The following SGSM1 variants were observed in gnomAD, a reference collection of about 807,000 sequenced individuals.
SGSM1 encodes RUN and TBC1 domain containing 2.
Under a neutral mutation model 133.8 loss-of-function variants are expected in SGSM1, and 73 were observed. The ratio of observed to expected loss-of-function variants is 0.55; its 90% confidence interval spans 0.45 to 0.66. SGSM1 has a LOEUF of 0.66. Among genes scored for constraint, SGSM1 ranks in the 30% least tolerant of loss-of-function variants. SGSM1 has a pLI of 0.00. For missense variants in SGSM1, 1,213 were observed against 1,448.1 expected (o/e 0.84, Z 2.64); for synonymous variants, 563 against 573.0 (o/e 0.98, Z 0.25).
Position 24,868,844 on chromosome 22 carries a change from A to G in SGSM1, c.1280A>G (p.Gln427Arg), listed in dbSNP as rs557828857. The change falls in exon 12 of 25, where the codon CAG becomes CGG. Residue 427 changes from glutamine (Q) to arginine (R), a missense_variant. Gln to Arg is a conservative substitution (Grantham distance 43). Transcript: ENST00000400358. Reference protein sequence around the residue: ...YVFRIIYPGMQSEFVPQDLMD... With the variant: ...YVFRIIYPGMRSEFVPQDLMD... Reference sequence around the variant, plus strand: ...TTCAGGATCATCTACCCTGGCATGCAGTCGGAATTCGGTGAGCTGCCCTGT... The same window carrying G: ...TTCAGGATCATCTACCCTGGCATGCGGTCGGAATTCGGTGAGCTGCCCTGT... 28 of 1,613,818 alleles carry G rather than the reference A, an allele frequency of 1.7e-5. No individual in the cohort carries two copies. In the East Asian group the frequency reaches 5.6e-4, roughly 32 times the overall value.
At chr22:24,901,766 T>A in intron 19 of SGSM1, 67 bp from the exon 20 acceptor site, 1 of 1,561,086 alleles carries the variant, frequency 6.4e-7, no homozygotes, top group Non-Finnish European at 8.7e-7. Context: ...GGATTGCTGC[T>A]TTCCAGTGGG....
At chr22:24,860,044 A>G (rs41516144) in intron 9 of SGSM1, among the ~76,000 whole-genome samples, 5,381 of 152,218 alleles carry the variant, frequency 0.035, 151 homozygotes, top group East Asian at 0.093. Flanking sequence ...CTGGAAACCA[A>G]CTGGAAGAGT....
Position 24,874,474 on chromosome 22 carries a change from G to C in SGSM1, c.1292-2103G>C, listed in dbSNP as rs116017106. On this transcript the variant is annotated intron_variant, in intron 12 of 24. Transcript: ENST00000400358. ...CTCTGTGGGCCCTGCCTGGATGATG[G>C]TTCCTGCAGGCCGGTCCATGCTGGT... The C allele has an allele frequency of 1.7e-3, 2,735 of 1,613,778 alleles. 49 individuals carry two copies. The African/African-American group carries it at 0.031, about 18-fold the overall frequency.
At position 24,893,532 on chromosome 22, in the gene SGSM1, C is replaced by T; in HGVS notation, c.1872C>T (p.Ala624=). The change falls in exon 17 of 25, where the codon GCC becomes GCT. Residue 624 remains alanine (A), a synonymous_variant. Transcript: ENST00000400358. ...RQRERESHAA[A]LAKCSSGASL... Reference sequence around the variant, plus strand: ...GGGAGCGGGAGTCCCATGCGGCCGCCCTGGCCAAATGCTCATCCGGGGCCA... The same window carrying T: ...GGGAGCGGGAGTCCCATGCGGCCGCTCTGGCCAAATGCTCATCCGGGGCCA... 6.2e-7 allele frequency: 1 copy of T among 1,610,760 alleles called. No individual in the cohort carries two copies. The highest frequency in any genetic ancestry group is 8.5e-7 in the Non-Finnish European group (1 of 1,178,558).
intron 2 of SGSM1, among the ~76,000 whole-genome samples, chr22:24,831,358 G>A (rs1343426869): frequency 6.6e-6 from 1 of 152,104 alleles, no homozygotes; most frequent in African/African-American, 2.4e-5. Context: ...GAGTTATCCT[G>A]AGTTGGGGCA....
chr22:24,903,963 ACT>A (rs1362017339), intron 20 of SGSM1, among the ~76,000 whole-genome samples: 2 of 145,826 alleles, frequency 1.4e-5, no homozygotes, highest in African/African-American at 5.2e-5. Flanking sequence ...CAAGAACAAA[ACT>A]CTGTCTCAAC....
chr22:24,908,361 T>C (rs929950772), intron 21 of SGSM1, among the ~76,000 whole-genome samples: 1 of 152,096 alleles, frequency 6.6e-6, no homozygotes. Flanking sequence ...AAATTAGACT[T>C]CATCAAAATT....
At chr22:24,880,593 C>T (rs1932265860) in intron 14 of SGSM1, among the ~76,000 whole-genome samples, 1 of 152,344 alleles carries the variant, frequency 6.6e-6, no homozygotes, top group African/African-American at 2.4e-5. Context: ...CCTGGAGAGG[C>T]AGGGAGAGTG....
intron 2 of SGSM1, among the ~76,000 whole-genome samples, chr22:24,821,435 T>G (rs1439872071): frequency 6.6e-6 from 1 of 152,166 alleles, no homozygotes; most frequent in Admixed American, 6.5e-5. Context: ...GGGAGGAACG[T>G]GCAGCATTGG....
chr22:24,836,866 C>T (rs118044899), intron 2 of SGSM1, among the ~76,000 whole-genome samples: 2,042 of 152,290 alleles, frequency 0.013, 29 homozygotes, highest in Non-Finnish European at 0.021. Context: ...TTCTATTTCA[C>T]GGGTTGCCGT....
intron 5 of SGSM1, among the ~76,000 whole-genome samples, chr22:24,851,100 C>CAAAAAAAAA (rs68153757): frequency 1.0e-5 from 1 of 95,762 alleles, no homozygotes; most frequent in Non-Finnish European, 2.5e-5. Context: ...GACTCCATCT[C>CAAAAAAAAA]AAAAAAAAAA....
chr22:24,854,906 C>T lies in SGSM1; in HGVS notation c.456-90C>T, dbSNP rs565890202. The T allele has an allele frequency of 3.1e-4, 313 of 1,000,630 alleles. 7 individuals are homozygous for T. The South Asian group carries it at 3.9e-3, about 12-fold the overall frequency. The allele number at this position is 1,000,630 out of a possible 1,614,324, so 62.0% of individuals were successfully genotyped here. A position where few individuals can be genotyped will look rare whatever the true frequency, so the allele number is the denominator to read the frequency against. ...GGCAGCTGAGGCTCTGGGTGGTAAC[C>T]GAGTGACACTGGGGATTGAACTCTC... On this transcript the variant is annotated intron_variant, in intron 5 of 24. Coordinates refer to ENST00000400358, the MANE Select transcript of SGSM1 (RefSeq NM_001098497.3).
intron 19 of SGSM1, among the ~76,000 whole-genome samples, chr22:24,899,379 G>A (rs762836347): frequency 1.4e-4 from 21 of 151,938 alleles, no homozygotes; most frequent in Non-Finnish European, 2.9e-4. Context: ...CACCTGATGT[G>A]TCATTATCAT....
intron 21 of SGSM1, among the ~76,000 whole-genome samples, chr22:24,907,416 T>C (rs933900990): frequency 2.6e-5 from 4 of 152,090 alleles, no homozygotes; most frequent in Non-Finnish European, 5.9e-5. Flanking sequence ...TGGAAAGATA[T>C]CTCATATTCA....
chr22:24,873,953 T>A (rs1194873198), intron 12 of SGSM1, among the ~76,000 whole-genome samples: 1 of 152,070 alleles, frequency 6.6e-6, no homozygotes, highest in Non-Finnish European at 1.5e-5. Context: ...CATGCCTCAG[T>A]TTTCTAATCT....
chr22:24,856,622 C>G (rs1438411776), intron 8 of SGSM1, among the ~76,000 whole-genome samples: 1 of 152,194 alleles, frequency 6.6e-6, no homozygotes, highest in Non-Finnish European at 1.5e-5. Context: ...TCAGCCACTC[C>G]ATCTCTGCAA....
intron 2 of SGSM1, among the ~76,000 whole-genome samples, chr22:24,822,754 G>A (rs1928557112): frequency 6.6e-6 from 1 of 152,200 alleles, no homozygotes; most frequent in Non-Finnish European, 1.5e-5. Context: ...GGGAGCAGGT[G>A]CATTGGTTGC....
rs1347117398 is a variant in SGSM1, at chr22:24,806,320, G to T, written c.-6G>T. The T allele has an allele frequency of 3.4e-6, 5 of 1,459,360 alleles. No homozygotes were observed. The African/African-American group carries it at 4.5e-5, about 13-fold the overall frequency. The allele number at this position is 1,459,360 out of a possible 1,614,324, so 90.4% of individuals were successfully genotyped here. ...TCCTGGGACTCGGAACGCAGCGCTC[G>T]GAGCCATGGCCTCGGCCCCCGCGGG... is the stretch of plus-strand genomic sequence containing the variant. On this transcript the variant is annotated 5_prime_UTR_variant, in exon 1 of 25. Transcript: ENST00000400358.
Position 24,901,915 on chromosome 22 carries a change from T to C in SGSM1, c.2693T>C (p.Phe898Ser). The C allele has an allele frequency of 2.0e-6, 3 of 1,487,474 alleles. No homozygotes were observed. The highest frequency in any genetic ancestry group is 2.7e-6 in the Non-Finnish European group (3 of 1,104,512). The allele number at this position is 1,487,474 out of a possible 1,614,324, so 92.1% of individuals were successfully genotyped here. A position where few individuals can be genotyped will look rare whatever the true frequency, so the allele number is the denominator to read the frequency against. The change falls in exon 20 of 25, where the codon TTC becomes TCC. Residue 898 changes from phenylalanine (F) to serine (S), a missense_variant. Coordinates refer to ENST00000400358, the MANE Select transcript of SGSM1 (RefSeq NM_001098497.3). Reference protein sequence around the residue: ...VQRCDRNYWYFTPANLEKLRN... With the variant: ...VQRCDRNYWYSTPANLEKLRN... ...AGGTGCGACCGCAACTACTGGTACT[T>C]CACGCCCGCCAACTTGGAGAAGCTG...
Sources: allele counts gnomAD v4.1 joint callset (sites outside exome capture counted in the v4.1 genomes callset), GRCh38; gene constraint gnomAD v4.1.1; transcripts MANE v1.5; gene names NCBI Gene and HGNC (gene_info 2026-07-23, HGNC 2026-07-21).